The following PRKCB variants were observed in gnomAD, a reference collection of about 807,000 sequenced individuals.
PRKCB encodes protein kinase C beta.
Under a neutral mutation model 81.5 loss-of-function variants are expected in PRKCB, and 13 were observed. That is an observed-to-expected ratio of 0.16 (90% CI 0.10 to 0.25). PRKCB has a LOEUF of 0.25. Among genes scored for constraint, PRKCB ranks in the 10% least tolerant of loss-of-function variants. The probability of loss-of-function intolerance (pLI) is 1.00; values close to 1 mark genes in which losing one functional copy is unlikely to be tolerated. For synonymous variants in PRKCB, 335 were observed against 321.4 expected (o/e 1.04, Z -0.45); for missense variants, 509 against 875.7 (o/e 0.58, Z 5.29).
At chr16:23,995,966 C>A (rs944450824) in intron 3 of PRKCB, among the ~76,000 whole-genome samples, 2 of 152,068 alleles carry the variant, frequency 1.3e-5, no homozygotes, top group East Asian at 3.9e-4. Flanking sequence ...GAAATCTTCT[C>A]GGTGGGCAGA....
intron 2 of PRKCB, among the ~76,000 whole-genome samples, chr16:23,946,049 A>T (rs55649386): frequency 0.36 from 53,986 of 152,068 alleles, 9,856 homozygotes; most frequent in South Asian, 0.52. Flanking sequence ...CAACTCTGAA[A>T]CCTAAGATTT....
chr16:24,071,436 T>TAAAAAAA (rs398042091), intron 5 of PRKCB, among the ~76,000 whole-genome samples: 12 of 57,296 alleles, frequency 2.1e-4, no homozygotes, highest in African/African-American at 6.9e-4. Context: ...AGACCCTGTC[T>TAAAAAAA]AAAAAAAAAA....
intron 2 of PRKCB, among the ~76,000 whole-genome samples, chr16:23,903,994 C>T (rs1963521438): frequency 6.6e-6 from 1 of 152,192 alleles, no homozygotes; most frequent in African/African-American, 2.4e-5. Context: ...TATGTGTCGA[C>T]TAAATGAATA....
chr16:24,065,032 G>A (rs1264097124), intron 5 of PRKCB, among the ~76,000 whole-genome samples: 1 of 147,284 alleles, frequency 6.8e-6, no homozygotes, highest in Non-Finnish European at 1.5e-5. Flanking sequence ...GGAAAAGGGG[G>A]AAATATATCT....
chr16:24,178,700 C>T (rs1184144729), intron 12 of PRKCB, among the ~76,000 whole-genome samples: 1 of 152,158 alleles, frequency 6.6e-6, no homozygotes, highest in Non-Finnish European at 1.5e-5. Flanking sequence ...CCACGGACAG[C>T]GCCAAAGGCA....
At chr16:24,077,514 C>A (rs543530183) in intron 5 of PRKCB, among the ~76,000 whole-genome samples, 14 of 152,054 alleles carry the variant, frequency 9.2e-5, no homozygotes, top group Non-Finnish European at 1.5e-4. Context: ...TCCATCCATC[C>A]ATCCAGTTCA....
chr16:24,214,435 A>C (rs1968191890), intron 16 of PRKCB, among the ~76,000 whole-genome samples: 1 of 152,138 alleles, frequency 6.6e-6, no homozygotes, highest in Non-Finnish European at 1.5e-5. Flanking sequence ...CATGAGCTAC[A>C]AAAACTGAAG....
intron 2 of PRKCB, among the ~76,000 whole-genome samples, chr16:23,859,617 C>T (rs1962628488): frequency 6.6e-6 from 1 of 152,094 alleles, no homozygotes; most frequent in Admixed American, 6.5e-5. Flanking sequence ...CCTGAGTTCT[C>T]AGTTGGGTTT....
Position 24,067,957 on chromosome 16 carries a change from AAAGAG to A in PRKCB, c.530-24832_530-24828del, listed in dbSNP as rs768103902. ...ACTCCGTCTCAAAAAAAAAAAAAAA[AAAGAG>A]AGAGAGAGAGAGCTGAGGAAGAGGT... is the stretch of plus-strand genomic sequence containing the variant. On this transcript the variant is annotated intron_variant, in intron 5 of 16. Transcript: ENST00000643927. Among the ~76,000 whole-genome samples the A allele has an allele frequency of 4.1e-3, 615 of 149,616 alleles. 5 individuals carry two copies. Among genetic ancestry groups the A allele is most frequent in the Middle Eastern group, 0.014 (4 of 294 alleles).
chr16:23,992,969 G>A (rs1964907148), intron 3 of PRKCB, among the ~76,000 whole-genome samples: 1 of 152,168 alleles, frequency 6.6e-6, no homozygotes, highest in East Asian at 1.9e-4. Context: ...GGTGGCATTG[G>A]CCTTTCCATC....
chr16:24,175,439 GC>G lies in PRKCB; in HGVS notation c.1394+864del, dbSNP rs759108493. ...GTGAATAAAACAGATGAAACCCCTT[GC>G]CCCCGTGGAGTTTATCTTTCTCATG... On this transcript the variant is annotated intron_variant, in intron 12 of 16. Transcript: ENST00000643927. 7.9e-5 allele frequency among the ~76,000 whole-genome samples: 12 copies of G among 151,782 alleles called. No homozygotes were observed. The South Asian group carries it at 1.9e-3, about 24-fold the overall frequency.
chr16:23,953,568 G>C (rs1001244688), intron 2 of PRKCB, among the ~76,000 whole-genome samples: 2 of 152,158 alleles, frequency 1.3e-5, no homozygotes, highest in African/African-American at 4.8e-5. Context: ...GTTTTCATTT[G>C]CCAATTAGAG....
intron 9 of PRKCB, among the ~76,000 whole-genome samples, chr16:24,132,019 C>T (rs1966854028): frequency 6.6e-6 from 1 of 152,180 alleles, no homozygotes; most frequent in African/African-American, 2.4e-5. Context: ...CGCAACACTG[C>T]CTGTATCCTT....
intron 5 of PRKCB, among the ~76,000 whole-genome samples, chr16:24,044,835 T>A (rs1324148980): frequency 2.6e-5 from 4 of 152,168 alleles, no homozygotes; most frequent in Non-Finnish European, 5.9e-5. Flanking sequence ...TATGGTTAAG[T>A]GAAAGGGTTA....
At chr16:23,864,879 T>G (rs1962745395) in intron 2 of PRKCB, among the ~76,000 whole-genome samples, 1 of 152,102 alleles carries the variant, frequency 6.6e-6, no homozygotes. Context: ...TTGACCCCCT[T>G]CCCCTATGCC....
chr16:24,182,913 G>A (rs890698529), intron 13 of PRKCB, among the ~76,000 whole-genome samples: 8 of 151,888 alleles, frequency 5.3e-5, no homozygotes, highest in Non-Finnish European at 1.2e-4. Flanking sequence ...TTGAGACAGG[G>A]TCTCACTCTG....
intron 5 of PRKCB, among the ~76,000 whole-genome samples, chr16:24,091,066 C>T (rs1418878076): frequency 1.3e-5 from 2 of 152,086 alleles, no homozygotes; most frequent in African/African-American, 4.8e-5. Flanking sequence ...TTATTTCTTA[C>T]TGCACTTATG....
chr16:23,873,400 A>C (rs1323417316), intron 2 of PRKCB, among the ~76,000 whole-genome samples: 1 of 151,766 alleles, frequency 6.6e-6, no homozygotes, highest in Non-Finnish European at 1.5e-5. Flanking sequence ...AAAAGAAAAA[A>C]AGAAAAATGG....
Position 24,217,021 on chromosome 16 carries a change from G to A in PRKCB, c.*2205G>A. 1 of 984,902 alleles carries A rather than the reference G, an allele frequency of 1.0e-6. No homozygotes were observed. The highest frequency in any genetic ancestry group is 1.2e-6 in the Non-Finnish European group (1 of 829,876). The allele number at this position is 984,902 out of a possible 1,614,324, so 61.0% of individuals were successfully genotyped here. The stretch of plus-strand genomic sequence containing the variant: ...CTCTCAGGAAGATAAAAACCATGGA[G>A]AAACACTAGGCCATTGACAAATGAT... On this transcript the variant is annotated 3_prime_UTR_variant, in exon 17 of 17. Transcript: ENST00000643927.
Sources: allele counts gnomAD v4.1 joint callset (sites outside exome capture counted in the v4.1 genomes callset), GRCh38; gene constraint gnomAD v4.1.1; transcripts MANE v1.5; gene names NCBI Gene and HGNC (gene_info 2026-07-23, HGNC 2026-07-21).